The following PLXNB2 variants were observed in gnomAD, a reference collection of about 807,000 sequenced individuals.
PLXNB2 encodes plexin B2, also known as plexin-B2.
A neutral mutation model predicts 202.6 loss-of-function variants in PLXNB2; 85 were observed. The observed-to-expected ratio is 0.42, with a 90% confidence interval of 0.35 to 0.50. The LOEUF (loss-of-function observed/expected upper bound fraction) is 0.50, where lower values mean the gene tolerates loss of function less well. PLXNB2 is among the 20% of genes least tolerant of loss of function. The pLI is 0.02. For missense variants in PLXNB2, 2,063 were observed against 2,586.2 expected (o/e 0.80, Z 4.39); for synonymous variants, 1,239 against 1,137.6 (o/e 1.09, Z -1.79).
chr22:50,284,766 C>A lies in PLXNB2; in HGVS notation c.2089-101G>T, dbSNP rs1253920216. 3.4e-6 allele frequency: 3 copies of A among 893,250 alleles called. No individual in the cohort carries two copies. The highest frequency in any genetic ancestry group is 3.8e-6 in the Non-Finnish European group (2 of 527,112). 55.3% of individuals were successfully genotyped at this position (893,250 alleles called of 1,614,324 possible). A position where few individuals can be genotyped will look rare whatever the true frequency, so the allele number is the denominator to read the frequency against. ...CTCCTCTGTGCCTACAGTGTGGGAGCCCTCTCCTCACCCCACACATGCCCG... is the reference window on the plus strand; with the variant it reads ...CTCCTCTGTGCCTACAGTGTGGGAGACCTCTCCTCACCCCACACATGCCCG... On this transcript the variant is annotated intron_variant, in intron 11 of 36. Transcript: ENST00000359337. The surrounding 1 kb of genome is among the most constrained non-coding windows in gnomAD (Gnocchi z 8.0).
rs532708125 is a variant in PLXNB2 at position 50,289,521 on chromosome 22, G to T, written c.1064C>A (p.Ala355Glu). The change falls in exon 3 of 37, where the codon GCG (alanine) becomes GAG (glutamate). Residue 355 changes from alanine to glutamate, a missense_variant. Around this residue, in one of 2 missense-constraint regions of PLXNB2, gnomAD observed 1,303 missense variants for 1,476.8 expected, o/e 0.88. Coordinates refer to ENST00000359337, the MANE Select transcript of PLXNB2 (RefSeq NM_012401.4). This position sits in a 1 kb window ranked among gnomAD's most constrained non-coding sequence, Gnocchi z 8.0. ...FHGDIQCGGH[A>E]PGSSKSFPCG... ...AGAACACACTGAGGCCCATACCGGCGCGTGGCCGCCGCACTGGATATCGCC... is the reference window on the plus strand; with the variant it reads ...AGAACACACTGAGGCCCATACCGGCTCGTGGCCGCCGCACTGGATATCGCC... The T allele has an allele frequency of 6.2e-7, 1 of 1,608,038 alleles. No homozygotes were observed. The highest frequency in any genetic ancestry group is 1.7e-5 in the Admixed American group (1 of 59,732).
chr22:50,300,453 C>T, intron 1 of PLXNB2: 1 of 352,230 alleles, frequency 2.8e-6, no homozygotes, highest in Non-Finnish European at 4.0e-6. Flanking sequence ...CTGCCCGGAG[C>T]AGCCTCCCGC....
intron 27 of PLXNB2, 79 bp downstream of exon 27, chr22:50,279,551 C>A: frequency 7.3e-7 from 1 of 1,378,118 alleles, no homozygotes; most frequent in Non-Finnish European, 1.0e-6. Context: ...CCTGTGGGTC[C>A]CATCTGTGGC....
At position 50,282,695 on chromosome 22, in the gene PLXNB2, G is replaced by A. The variant is rs1426254554; in HGVS notation, c.2987+16C>T. On this transcript the variant is annotated intron_variant, in intron 18 of 36. Transcript: ENST00000359337. Reference sequence around the variant, plus strand: ...GGTGTGGGGAGCAGAGGGGGGCGGGGGGACACCAGCCTCACCTGGCAAAGC... The same window carrying A: ...GGTGTGGGGAGCAGAGGGGGGCGGGAGGACACCAGCCTCACCTGGCAAAGC... The A allele has an allele frequency of 6.0e-6, 9 of 1,497,664 alleles. No homozygotes were observed. The highest frequency in any genetic ancestry group is 7.2e-6 in the Non-Finnish European group (8 of 1,114,762). 92.8% of individuals were successfully genotyped at this position (1,497,664 alleles called of 1,614,324 possible).
rs372212892 is a variant in PLXNB2, at chr22:50,283,613, G to A, written c.2559C>T (p.Ser853=). Residue 853 remains serine, a synonymous_variant, in exon 15 of 37, where the codon TCC becomes TCT. Coordinates refer to ENST00000359337, the MANE Select transcript of PLXNB2 (RefSeq NM_012401.4). ...GGCCGTCCACTCACCGGGTGGACAC[G>A]GAGTAACGTTCCGGCTGAAAGGAGC... ...RNCSFQPERY[S]VSTRIVCVIE... is the part of the protein sequence containing the mutation. 20 of 1,606,670 alleles carry A rather than the reference G, an allele frequency of 1.2e-5. No individual in the cohort carries two copies. Among genetic ancestry groups the A allele is most frequent in the Middle Eastern group, 1.7e-4 (1 of 6,040 alleles).
chr22:50,284,922 A>C lies in PLXNB2; in HGVS notation c.2089-257T>G. The C allele has an allele frequency of 1.2e-5, 7 of 601,054 alleles. No individual in the cohort carries two copies. Among genetic ancestry groups the C allele is most frequent in the Non-Finnish European group, 1.9e-5 (6 of 310,888 alleles). The allele number at this position is 601,054 out of a possible 1,614,324, so 37.2% of individuals were successfully genotyped here. The stretch of plus-strand genomic sequence containing the variant: ...CCACCACTCATCCACACCTGAGAAC[A>C]TCGCCCGGCCCACCTGACATCGTGG... On this transcript the variant is annotated intron_variant, in intron 11 of 36. Transcript: ENST00000359337. The surrounding 1 kb of genome is among the most constrained non-coding windows in gnomAD (Gnocchi z 8.0).
At chr22:50,302,807 C>A (rs1309205217) in intron 1 of PLXNB2, among the ~76,000 whole-genome samples, 4 of 152,054 alleles carry the variant, frequency 2.6e-5, no homozygotes, top group African/African-American at 4.8e-5. Flanking sequence ...CTCCCCCTCG[C>A]TGGTGGGAGG....
chr22:50,290,690 G>A (rs2066806351), intron 2 of PLXNB2, 93 bp from the exon 3 acceptor site: 2 of 1,331,432 alleles, frequency 1.5e-6, no homozygotes, highest in African/African-American at 1.5e-5. Flanking sequence ...CAGAACATGG[G>A]AGAGAGGGTC....
chr22:50,284,346 T>A lies in PLXNB2; in HGVS notation c.2182-133A>T. On this transcript the variant is annotated intron_variant, in intron 12 of 36. Transcript: ENST00000359337. This position sits in a 1 kb window ranked among gnomAD's most constrained non-coding sequence, Gnocchi z 8.0. ...GGGCAGCAGGGGAGGCCTTCAGGTG[T>A]CGGAAGTTCGGGAACCCCATGGACG... 1.1e-6 allele frequency: 1 copy of A among 873,516 alleles called. No individual in the cohort carries two copies. Among genetic ancestry groups the A allele is most frequent in the Non-Finnish European group, 1.9e-6 (1 of 538,110 alleles). The allele number at this position is 873,516 out of a possible 1,614,324, so 54.1% of individuals were successfully genotyped here.
At position 50,280,639 on chromosome 22, in the gene PLXNB2, A is replaced by G; in HGVS notation, c.4025T>C (p.Phe1342Ser). ...GAAGTAGACCTTGGCGCGGGCCGAGAACTCCCGCTGGTTCTCCAGGGTGTG... is the reference window on the plus strand; with the variant it reads ...GAAGTAGACCTTGGCGCGGGCCGAGGACTCCCGCTGGTTCTCCAGGGTGTG... ...FIHTLENQRE[F>S]SARAKVYFAS... Residue 1342 changes from phenylalanine (F) to serine (S), a missense_variant, in exon 25 of 37, where the codon TTC becomes TCC. Physicochemically the swap from Phe to Ser is radical, Grantham distance 155. Around this residue, in one of 2 missense-constraint regions of PLXNB2, gnomAD observed 760 missense variants for 1,109.4 expected, o/e 0.69. Coordinates refer to ENST00000359337, the MANE Select transcript of PLXNB2 (RefSeq NM_012401.4). 1 of 1,612,582 alleles carries G rather than the reference A, an allele frequency of 6.2e-7. No homozygotes were observed. Among genetic ancestry groups the G allele is most frequent in the East Asian group, 2.2e-5 (1 of 44,874 alleles).
intron 35 of PLXNB2, among the ~76,000 whole-genome samples, chr22:50,276,428 C>CTGTGGGTAGAGCCA (rs1241670592): frequency 6.6e-6 from 1 of 151,926 alleles, no homozygotes; most frequent in African/African-American, 2.4e-5. Context: ...GTGGGCAGGG[C>CTGTGGGTAGAGCCA]CTGGCTCCAA....
chr22:50,277,490 G>A (rs754641496), intron 33 of PLXNB2, 101 bp downstream of exon 33: 35 of 1,234,190 alleles, frequency 2.8e-5, no homozygotes, highest in African/African-American at 4.6e-5. Context: ...TCCAGCCCAA[G>A]ATATTCAAAT....
chr22:50,281,294 G>A (rs2065970297), intron 22 of PLXNB2, 66 bp downstream of exon 22: 11 of 1,590,142 alleles, frequency 6.9e-6, no homozygotes, highest in East Asian at 4.5e-5. Context: ...GGCGGATGAG[G>A]CCAGAGGGGC....
chr22:50,289,975 C>T lies in PLXNB2; in HGVS notation c.610G>A (p.Ala204Thr), dbSNP rs777982464. 8 of 1,613,310 alleles carry T rather than the reference C, an allele frequency of 5.0e-6. No individual in the cohort carries two copies. Among genetic ancestry groups the T allele is most frequent in the Non-Finnish European group, 5.1e-6 (6 of 1,180,018 alleles). Reference sequence around the variant, plus strand: ...GACAGGTAGCCGGCCTTGTAGGTGGCGTGGTCCGTGTAGGCTTCAAAGGCC... The same window carrying T: ...GACAGGTAGCCGGCCTTGTAGGTGGTGTGGTCCGTGTAGGCTTCAAAGGCC... ...REAFEAYTDH[A>T]TYKAGYLSTN... is the part of the protein sequence containing the mutation. Residue 204 changes from alanine to threonine, a missense_variant, in exon 3 of 37, where the codon GCC (alanine) becomes ACC (threonine). Ala to Thr is a moderately conservative substitution (Grantham distance 58). This residue lies in a region of PLXNB2 where 1,303 missense variants were observed against 1,476.8 expected (regional missense o/e 0.88). Coordinates refer to ENST00000359337, the MANE Select transcript of PLXNB2 (RefSeq NM_012401.4). This position sits in a 1 kb window ranked among gnomAD's most constrained non-coding sequence, Gnocchi z 8.0.
intron 1 of PLXNB2, among the ~76,000 whole-genome samples, chr22:50,305,220 G>A (rs1461375802): frequency 6.6e-6 from 1 of 152,224 alleles, no homozygotes. Context: ...CACGGACGAC[G>A]TCCTGGGATG....
chr22:50,287,815 T>C, intron 6 of PLXNB2, 22 bp from the exon 7 acceptor site: 2 of 1,595,984 alleles, frequency 1.3e-6, no homozygotes, highest in Non-Finnish European at 1.7e-6. Context: ...GGGGGCGGCC[T>C]CAGCCCAGGG....
Position 50,289,194 on chromosome 22 carries a change from C to T in PLXNB2, c.1069-52G>A. ...GGCAGACCCCCTGTCCTGAAGGGCCCTCTCCACTCGCGCTCCAAGACTCGG... is the reference window on the plus strand; with the variant it reads ...GGCAGACCCCCTGTCCTGAAGGGCCTTCTCCACTCGCGCTCCAAGACTCGG... On this transcript the variant is annotated intron_variant, in intron 3 of 36. Transcript: ENST00000359337. The surrounding 1 kb of genome is among the most constrained non-coding windows in gnomAD (Gnocchi z 8.0). 2.1e-6 allele frequency: 3 copies of T among 1,446,708 alleles called. No individual in the cohort carries two copies. Among genetic ancestry groups the T allele is most frequent in the Non-Finnish European group, 2.8e-6 (3 of 1,084,046 alleles). The allele number at this position is 1,446,708 out of a possible 1,614,324, so 89.6% of individuals were successfully genotyped here.
Position 50,288,127 on chromosome 22 carries a change from C to T in PLXNB2, c.1381-90G>A. ...ATGTCCCCAGACCGCCAGCTTGACC[C>T]AGCTCTGTCCCGGGGCCTCGGGAGC... On this transcript the variant is annotated intron_variant, in intron 5 of 36. Coordinates refer to ENST00000359337, the MANE Select transcript of PLXNB2 (RefSeq NM_012401.4). This position sits in a 1 kb window ranked among gnomAD's most constrained non-coding sequence, Gnocchi z 5.0. The T allele has an allele frequency of 1.0e-6, 1 of 987,664 alleles. No homozygotes were observed. The highest frequency in any genetic ancestry group is 1.5e-6 in the Non-Finnish European group (1 of 653,602). The allele number at this position is 987,664 out of a possible 1,614,324, so 61.2% of individuals were successfully genotyped here.
rs536333301 is a variant in PLXNB2, at chr22:50,289,029, G to A, written c.1182C>T (p.Ala394=). 2.7e-5 allele frequency: 44 copies of A among 1,609,910 alleles called. No individual in the cohort carries two copies. The highest frequency in any genetic ancestry group is 3.6e-5 in the Non-Finnish European group (42 of 1,178,298). Residue 394 remains alanine, a synonymous_variant, in exon 4 of 37, where the codon GCC becomes GCT. Coordinates refer to ENST00000359337, the MANE Select transcript of PLXNB2 (RefSeq NM_012401.4). This position sits in a 1 kb window ranked among gnomAD's most constrained non-coding sequence, Gnocchi z 8.0. Reference sequence around the variant, plus strand: ...GGTTGTTCTCGGCGGCGACCGTCACGGCCGTGAGGTTCAGGCCTCCACGCT... The same window carrying A: ...GGTTGTTCTCGGCGGCGACCGTCACAGCCGTGAGGTTCAGGCCTCCACGCT... ...VLQRGGLNLT[A]VTVAAENNHT... is the part of the protein sequence containing the mutation.
Sources: allele counts gnomAD v4.1 joint callset (sites outside exome capture counted in the v4.1 genomes callset), GRCh38; gene constraint gnomAD v4.1.1; regional missense constraint gnomAD v4.1.1; non-coding constraint Gnocchi (gnomAD v3.1); transcripts MANE v1.5; gene names NCBI Gene and HGNC (gene_info 2026-07-23, HGNC 2026-07-21).